Variants in STAG2 observed in about 807,000 individuals in gnomAD.
The protein encoded by STAG2 is STAG2 cohesin complex component.
STAG2 carries 14 observed loss-of-function variants against 108.1 expected under a neutral mutation model. The ratio of observed to expected loss-of-function variants is 0.13; its 90% CI spans 0.09 to 0.20. The LOEUF is 0.20. Ranked by LOEUF, STAG2 falls within the 10% of genes least tolerant of loss-of-function variation. STAG2 has a pLI of 1.00. For synonymous variants in STAG2, 307 were observed against 302.7 expected (o/e 1.01, Z -0.15); for missense variants, 440 against 940.9 (o/e 0.47, Z 6.96).
chrX:124,038,559 C>T (rs1449400584), intron 6 of STAG2, among the ~76,000 whole-genome samples: 1 of 111,025 alleles, frequency 9.0e-6, no homozygotes, highest in African/African-American at 3.3e-5. Context: ...AGAAGCAATT[C>T]AATTCTGCAG....
chrX:124,087,326 C>T (rs2059131575), intron 30 of STAG2, among the ~76,000 whole-genome samples: 1 of 111,785 alleles, frequency 8.9e-6, no homozygotes, highest in Non-Finnish European at 1.9e-5. Flanking sequence ...CAAAATGGGC[C>T]TGGGGACTTT....
chrX:124,094,498 C>T (rs1200205544), intron 33 of STAG2, among the ~76,000 whole-genome samples: 12 of 111,485 alleles, frequency 1.1e-4, no homozygotes, highest in Admixed American at 1.0e-3. Context: ...ATACCATTAT[C>T]AAAACAATAT....
intron 30 of STAG2, 38 bp downstream of exon 30, chrX:124,086,808 A>G (rs2148468177): frequency 9.9e-7 from 1 of 1,006,257 alleles, no homozygotes; most frequent in Non-Finnish European, 1.3e-6. Flanking sequence ...TTTATCCCTA[A>G]TGTTTACCAA....
At position 124,066,178 on chromosome X, in the gene STAG2, C is replaced by T. The variant is rs2148342204; in HGVS notation, c.2100C>T (p.Ala700=). Residue 700 remains alanine (A), a synonymous_variant, in exon 22 of 35, where the codon GCC becomes GCT. Coordinates refer to ENST00000371145, the MANE Select transcript of STAG2 (RefSeq NM_001042750.2). ...TTTTTTTTTTTTTTTTTTACAGTGCCCATGACCTTTCAAAGTGGGATTTAT... is the reference window on the plus strand; with the variant it reads ...TTTTTTTTTTTTTTTTTTACAGTGCTCATGACCTTTCAAAGTGGGATTTAT... ...TLKRITAFHN[A]HDLSKWDLFA... The T allele has an allele frequency of 9.7e-7, 1 of 1,033,599 alleles. No individual in the cohort carries two copies. Among genetic ancestry groups the T allele is most frequent in the Non-Finnish European group, 1.3e-6 (1 of 755,923 alleles). 85.2% of individuals were successfully genotyped at this position (1,033,599 alleles called of 1,213,427 possible).
intron 24 of STAG2, among the ~76,000 whole-genome samples, chrX:124,069,058 C>T (rs1002944829): frequency 1.8e-5 from 2 of 111,665 alleles, no homozygotes; most frequent in African/African-American, 6.5e-5. Flanking sequence ...CATTCTCGCT[C>T]ATCCTGATCT....
chrX:124,049,495 G>A (rs1223100970), intron 10 of STAG2, among the ~76,000 whole-genome samples: 1 of 112,281 alleles, frequency 8.9e-6, no homozygotes, highest in East Asian at 2.8e-4. Context: ...GAAAGAAATA[G>A]TAATCTTATA....
chrX:124,018,529 C>A, intron 1 of STAG2, among the ~76,000 whole-genome samples: 1 of 110,865 alleles, frequency 9.0e-6, no homozygotes, highest in Non-Finnish European at 1.9e-5. Flanking sequence ...TTGACAGAGT[C>A]TTACCCCATT....
Position 124,063,897 on chromosome X carries a change from C to G in STAG2, c.1871C>G (p.Thr624Arg), listed in dbSNP as rs779090714. The change falls in exon 20 of 35, where the codon ACA becomes AGA. Residue 624 changes from threonine (T) to arginine (R), a missense_variant. Coordinates refer to ENST00000371145, the MANE Select transcript of STAG2 (RefSeq NM_001042750.2). ...RQIRNIVEKH[T>R]DTDVLEACSK... is the part of the protein sequence containing the mutation. Reference sequence around the variant, plus strand: ...ATCCGGAATATTGTAGAGAAGCACACAGATACAGATGTTTTGGAAGCATGT... The same window carrying G: ...ATCCGGAATATTGTAGAGAAGCACAGAGATACAGATGTTTTGGAAGCATGT... 1 of 1,208,777 alleles carries G rather than the reference C, an allele frequency of 8.3e-7. No individual in the cohort carries two copies. Among genetic ancestry groups the G allele is most frequent in the African/African-American group, 1.8e-5 (1 of 57,074 alleles).
chrX:124,073,370 G>C (rs761440646), intron 25 of STAG2, among the ~76,000 whole-genome samples: 1 of 110,917 alleles, frequency 9.0e-6, no homozygotes, highest in East Asian at 2.8e-4. Context: ...TTATCTAGGA[G>C]CTTCCTAGAA....
At chrX:124,084,625 G>A (rs1330756920) in intron 29 of STAG2, among the ~76,000 whole-genome samples, 1 of 111,800 alleles carries the variant, frequency 8.9e-6, no homozygotes, top group Non-Finnish European at 1.9e-5. Context: ...GCCAAGTTCT[G>A]TATCTTGTTA....
chrX:124,076,795 A>C lies in STAG2; in HGVS notation c.2673+324A>C, dbSNP rs201463428. Among the ~76,000 whole-genome samples the C allele has an allele frequency of 1.6e-4, 18 of 109,366 alleles. No homozygotes were observed. The East Asian group carries it at 4.9e-3, about 30-fold the overall frequency. 95.0% of individuals were successfully genotyped at this position (109,366 alleles called of 115,157 possible). On this transcript the variant is annotated intron_variant, in intron 26 of 34. Coordinates refer to ENST00000371145, the MANE Select transcript of STAG2 (RefSeq NM_001042750.2). ...ATGTAGCATTAAAAAGAGTTTCAGG[A>C]GTCAGAAGACTTGGGTGGTAGTTTT...
chrX:124,036,068 T>A (rs928204933), intron 5 of STAG2, among the ~76,000 whole-genome samples: 3 of 112,543 alleles, frequency 2.7e-5, no homozygotes, highest in Admixed American at 9.4e-5. Context: ...TTATGTTGGT[T>A]AATATAAACA....
intron 1 of STAG2, among the ~76,000 whole-genome samples, chrX:123,985,840 C>T (rs1297424249): frequency 4.6e-5 from 5 of 109,482 alleles, no homozygotes; most frequent in Non-Finnish European, 1.9e-5. Flanking sequence ...CACAGCCAGC[C>T]TCTTGTATTC....
chrX:124,051,072 A>T, intron 11 of STAG2, 49 bp from the exon 12 acceptor site: 1 of 757,242 alleles, frequency 1.3e-6, no homozygotes, highest in Non-Finnish European at 1.9e-6. Flanking sequence ...AGTTGAAAAT[A>T]CATAGAGTTT....
intron 4 of STAG2, among the ~76,000 whole-genome samples, chrX:124,027,237 A>G (rs2057135377): frequency 8.9e-6 from 1 of 111,898 alleles, no homozygotes; most frequent in African/African-American, 3.2e-5. Context: ...GTGATTTCTA[A>G]TTGTGGCAAA....
intron 1 of STAG2, among the ~76,000 whole-genome samples, chrX:124,016,266 A>G (rs2056724261): frequency 9.0e-6 from 1 of 111,093 alleles, no homozygotes; most frequent in Non-Finnish European, 1.9e-5. Context: ...CAGCCTCTCA[A>G]GTAGCTGGGA....
In STAG2 at chrX:124,039,866, A is replaced by C. The variant is rs146027042; in HGVS notation, c.385+2243A>C. 9.0e-3 allele frequency among the ~76,000 whole-genome samples: 984 copies of C among 109,509 alleles called. 6 individuals carry two copies. The highest frequency in any genetic ancestry group is 0.013 in the Non-Finnish European group (692 of 52,725). Reference sequence around the variant, plus strand: ...AGAGCATGTTCCCTTTGTCAAATTCATTCCTTTTTTGGCATCAGTTTGTTT... The same window carrying C: ...AGAGCATGTTCCCTTTGTCAAATTCCTTCCTTTTTTGGCATCAGTTTGTTT... On this transcript the variant is annotated intron_variant, in intron 6 of 34. Transcript: ENST00000371145.
chrX:124,025,686 A>G (rs1192510834), intron 3 of STAG2, among the ~76,000 whole-genome samples, 154 bp from the exon 4 acceptor site: 1 of 111,731 alleles, frequency 9.0e-6, no homozygotes, highest in Non-Finnish European at 1.9e-5. Context: ...GTGCTATAGT[A>G]TGATGTTTTG....
In STAG2 at chrX:123,971,208, C is replaced by T. The variant is rs1031790379; in HGVS notation, c.-163+9352C>T. Among the ~76,000 whole-genome samples, 4 of 111,601 alleles carry T rather than the reference C, an allele frequency of 3.6e-5. No homozygotes were observed. In the East Asian group the frequency reaches 8.4e-4, roughly 24 times the overall value. On this transcript the variant is annotated intron_variant, in intron 1 of 34. Coordinates refer to ENST00000371145, the MANE Select transcript of STAG2 (RefSeq NM_001042750.2). ...ACTTTGGGAGGCCGAGGCAGGTGGA[C>T]CACCTGAGGTCAGGAGTTCGAGCCA...
Sources: gnomAD v4.1 joint callset for allele counts (sites outside exome capture counted in the v4.1 genomes callset) on GRCh38, gnomAD v4.1.1 for gene constraint, MANE v1.5 for transcripts, NCBI Gene and HGNC (gene_info 2026-07-23, HGNC 2026-07-21) for gene names.